DLG1: variants seen among roughly 807,000 people sequenced by gnomAD.
The protein encoded by DLG1 is discs large MAGUK scaffold protein 1, also known as disks large homolog 1.
DLG1 carries 42 observed loss-of-function variants against 123.4 expected under a neutral mutation model. That is an observed-to-expected ratio of 0.34 (90% CI 0.27 to 0.44). The LOEUF (loss-of-function observed/expected upper bound fraction) is 0.44. Ranked by LOEUF, DLG1 falls within the 20% of genes least tolerant of loss-of-function variation. The pLI, the probability that DLG1 is intolerant of heterozygous loss-of-function variation, is 1.00. For missense variants in DLG1, 942 were observed against 1,082.6 expected (o/e 0.87, Z 1.82); for synonymous variants, 317 against 356.2 (o/e 0.89, Z 1.24).
intron 5 of DLG1, among the ~76,000 whole-genome samples, chr3:197,153,665 ACAC>A (rs1795023047): frequency 6.6e-6 from 1 of 152,148 alleles, no homozygotes; most frequent in Non-Finnish European, 1.5e-5. Context: ...CCCTTCCTAC[ACAC>A]CAATTCAATT....
chr3:197,282,561 T>G (rs1769902716), intron 4 of DLG1, 118 bp downstream of exon 4: 1 of 662,390 alleles, frequency 1.5e-6, no homozygotes, highest in Non-Finnish European at 2.2e-6. Flanking sequence ...TATTATAAAT[T>G]ATACTTCCAT....
chr3:197,168,382 C>G lies in DLG1; in HGVS notation c.484-18586G>C, dbSNP rs1802454911. On this transcript the variant is annotated intron_variant, in intron 5 of 24. Transcript: ENST00000667157. ...CTGGTAACAAACAATTACAGAACAA[C>G]AAAGTAATTCATTTAGTTCACTTGA... Among the ~76,000 whole-genome samples, 2 of 152,156 alleles carry G rather than the reference C, an allele frequency of 1.3e-5. 1 individual carries two copies. Among genetic ancestry groups the G allele is most frequent in the South Asian group, 4.1e-4 (2 of 4,832 alleles).
chr3:197,065,378 C>A lies in DLG1; in HGVS notation c.2271G>T (p.Gln757His). 6.2e-7 allele frequency: 1 copy of A among 1,613,218 alleles called. No homozygotes were observed. Among genetic ancestry groups the A allele is most frequent in the Non-Finnish European group, 8.5e-7 (1 of 1,179,628 alleles). ...RDYHFVTSRE[Q>H]MEKDIQEHKF... ...TATGTTCCTGGATATCTTTTTCCAT[C>A]TGCTCTCTTGAAGTCACAAAATGAT... The change falls in exon 22 of 25, where the codon CAG becomes CAT. Residue 757 changes from glutamine to histidine, a missense_variant. Gln to His is a conservative substitution (Grantham distance 24). Coordinates refer to ENST00000667157, the MANE Select transcript of DLG1 (RefSeq NM_001366207.1).
rs924142659 is a variant in DLG1 at position 197,146,063 on chromosome 3, A to G, written c.538-3295T>C. Among the ~76,000 whole-genome samples, 16 of 151,838 alleles carry G rather than the reference A, an allele frequency of 1.1e-4. 1 individual carries two copies. Among genetic ancestry groups the G allele is most frequent in the African/African-American group, 3.9e-4 (16 of 41,416 alleles). On this transcript the variant is annotated intron_variant, in intron 6 of 24. Coordinates refer to ENST00000667157, the MANE Select transcript of DLG1 (RefSeq NM_001366207.1). ...GAACTCGACCCTTTTTACAATAGCT[A>G]AAGGAAAATAAAATACTTAAGAATA...
intron 23 of DLG1, 117 bp downstream of exon 23, chr3:197,059,772 A>T (rs1734492389): frequency 1.5e-6 from 1 of 655,824 alleles, no homozygotes; most frequent in East Asian, 2.8e-5. Flanking sequence ...GAGGTGAATA[A>T]ACATACTACT....
At chr3:197,141,538 A>G (rs899171413) in intron 7 of DLG1, among the ~76,000 whole-genome samples, 4 of 152,212 alleles carry the variant, frequency 2.6e-5, no homozygotes, top group African/African-American at 9.6e-5. Context: ...AGACTCTCTC[A>G]GATTTATTTT....
intron 20 of DLG1, 109 bp downstream of exon 20, chr3:197,066,573 AAATTTCTACATGTATATGTAGT>A (rs1739720437): frequency 3.9e-6 from 2 of 518,710 alleles, no homozygotes; most frequent in Non-Finnish European, 7.0e-6. Context: ...CACATGTAGT[AAATTTCTACATGTATATGTAGT>A]AAAAAAAAAT....
At chr3:197,171,540 T>C (rs1804202992) in intron 5 of DLG1, among the ~76,000 whole-genome samples, 2 of 152,128 alleles carry the variant, frequency 1.3e-5, no homozygotes, top group South Asian at 4.1e-4. Context: ...GGAAAACAGA[T>C]CTAGCAATTA....
intron 4 of DLG1, among the ~76,000 whole-genome samples, chr3:197,245,796 GA>G (rs1375252868): frequency 6.6e-6 from 1 of 150,956 alleles, no homozygotes; most frequent in Non-Finnish European, 1.5e-5. Flanking sequence ...TGTTTCAGAG[GA>G]AAAAGCAGTT....
chr3:197,096,173 C>T (rs1760524130), intron 14 of DLG1, among the ~76,000 whole-genome samples: 1 of 152,292 alleles, frequency 6.6e-6, no homozygotes, highest in Non-Finnish European at 1.5e-5. Context: ...TTTATGTTTA[C>T]ATCTGTATCA....
intron 17 of DLG1, chr3:197,080,533 C>T (rs566516101): frequency 6.8e-6 from 1 of 146,066 alleles, no homozygotes; most frequent in South Asian, 2.2e-4. Flanking sequence ...GCGATCTGGG[C>T]TCAATGCAAC....
chr3:197,063,969 C>T (rs1737641356), intron 22 of DLG1, among the ~76,000 whole-genome samples: 1 of 141,934 alleles, frequency 7.0e-6, no homozygotes, highest in Admixed American at 7.5e-5. Flanking sequence ...TGCTCTGTTG[C>T]TCAGGCTGGA....
At chr3:197,170,628 C>T (rs894029688) in intron 5 of DLG1, among the ~76,000 whole-genome samples, 2 of 152,030 alleles carry the variant, frequency 1.3e-5, no homozygotes, top group Non-Finnish European at 2.9e-5. Context: ...TTATAGACGC[C>T]GGATATTAGA....
chr3:197,294,070 T>C (rs1275348193), intron 3 of DLG1: 2 of 151,996 alleles, frequency 1.3e-5, no homozygotes. Flanking sequence ...ACAAAGAAAA[T>C]CTTATCAGAC....
In DLG1 at chr3:197,051,568, G is replaced by A. The variant is rs534071489; in HGVS notation, c.2575+9C>T. Reference sequence around the variant, plus strand: ...ATCTTAAAGAGGACTGTTACAACACGGTTCCAACCTGTGAAATGTTCAGTA... The same window carrying A: ...ATCTTAAAGAGGACTGTTACAACACAGTTCCAACCTGTGAAATGTTCAGTA... On this transcript the variant is annotated intron_variant, in intron 24 of 24. Coordinates refer to ENST00000667157, the MANE Select transcript of DLG1 (RefSeq NM_001366207.1). 1.2e-5 allele frequency: 20 copies of A among 1,609,070 alleles called. No homozygotes were observed. The highest frequency in any genetic ancestry group is 5.4e-5 in the African/African-American group (4 of 74,742).
At chr3:197,055,659 G>A (rs1304493747) in intron 23 of DLG1, among the ~76,000 whole-genome samples, 1 of 152,122 alleles carries the variant, frequency 6.6e-6, no homozygotes, top group Non-Finnish European at 1.5e-5. Context: ...GAATGTCCTG[G>A]TCTGGCCCCC....
At chr3:197,197,167 C>T (rs1340138212) in intron 4 of DLG1, among the ~76,000 whole-genome samples, 1 of 152,164 alleles carries the variant, frequency 6.6e-6, no homozygotes, top group Non-Finnish European at 1.5e-5. Flanking sequence ...TGGGGCCCTT[C>T]AATGCAGACC....
At chr3:197,077,061 T>C (rs1246739840) in intron 17 of DLG1, among the ~76,000 whole-genome samples, 2 of 152,170 alleles carry the variant, frequency 1.3e-5, no homozygotes, top group Non-Finnish European at 2.9e-5. Context: ...AATGTTACTT[T>C]GCTGCTCAAT....
chr3:197,285,427 C>T (rs565633771), intron 3 of DLG1, among the ~76,000 whole-genome samples: 1 of 151,950 alleles, frequency 6.6e-6, no homozygotes, highest in African/African-American at 2.4e-5. Context: ...CATTTCTAAT[C>T]TATGAGAAGA....
Sources: gnomAD v4.1 joint callset for allele counts (sites outside exome capture counted in the v4.1 genomes callset) on GRCh38, gnomAD v4.1.1 for gene constraint, MANE v1.5 for transcripts, NCBI Gene and HGNC (gene_info 2026-07-23, HGNC 2026-07-21) for gene names.